GUCY1A2: variants seen among roughly 807,000 people sequenced by gnomAD.
The protein encoded by GUCY1A2 is guanylate cyclase soluble subunit alpha-2.
Under a neutral mutation model 63.5 loss-of-function variants are expected in GUCY1A2, and 27 were observed. That is an observed-to-expected ratio of 0.43 (90% CI 0.31 to 0.59). GUCY1A2 has a LOEUF of 0.59. Ranked by LOEUF, GUCY1A2 falls within the 20% of genes least tolerant of loss-of-function variation. The probability of loss-of-function intolerance (pLI) is 0.11; values close to 1 mark genes in which losing one functional copy is unlikely to be tolerated. For missense variants in GUCY1A2, 768 were observed against 913.3 expected (o/e 0.84, Z 2.05); for synonymous variants, 364 against 343.5 (o/e 1.06, Z -0.66).
At chr11:106,892,420 T>C (rs927013452) in intron 4 of GUCY1A2, among the ~76,000 whole-genome samples, 6 of 152,168 alleles carry the variant, frequency 3.9e-5, no homozygotes, top group African/African-American at 1.4e-4. Context: ...TCTTGCTTTC[T>C]GGACTTTCAA....
At chr11:106,821,710 G>T (rs1858905921) in intron 4 of GUCY1A2, among the ~76,000 whole-genome samples, 1 of 152,130 alleles carries the variant, frequency 6.6e-6, no homozygotes, top group Non-Finnish European at 1.5e-5. Context: ...CAGTGTAATA[G>T]AGAGCCATTT....
At chr11:106,737,748 A>T (rs1565273843) in intron 6 of GUCY1A2, among the ~76,000 whole-genome samples, 1 of 152,176 alleles carries the variant, frequency 6.6e-6, no homozygotes, top group Non-Finnish European at 1.5e-5. Flanking sequence ...TTATGGTTGC[A>T]TAGTATTCCA....
At chr11:106,923,233 C>A (rs1860473828) in intron 4 of GUCY1A2, among the ~76,000 whole-genome samples, 1 of 152,120 alleles carries the variant, frequency 6.6e-6, no homozygotes, top group South Asian at 2.1e-4. Context: ...GAATATAATA[C>A]CTTACATAAG....
chr11:106,854,106 A>T (rs1297160867), intron 4 of GUCY1A2, among the ~76,000 whole-genome samples: 2 of 152,220 alleles, frequency 1.3e-5, no homozygotes, highest in Non-Finnish European at 2.9e-5. Flanking sequence ...GGGGTGACCC[A>T]GGTAGGCTGA....
At chr11:106,887,751 G>T (rs1859918605) in intron 4 of GUCY1A2, among the ~76,000 whole-genome samples, 1 of 152,140 alleles carries the variant, frequency 6.6e-6, no homozygotes, top group African/African-American at 2.4e-5. Context: ...AGAAGAAATA[G>T]GAGCCTTTGA....
rs1415696593 is a variant in GUCY1A2, at chr11:106,677,004, A to T, written c.*10545T>A. 2 of 213,378 alleles carry T rather than the reference A, an allele frequency of 9.4e-6. No homozygotes were observed. The highest frequency in any genetic ancestry group is 1.9e-5 in the Non-Finnish European group (2 of 105,302). 13.2% of individuals were successfully genotyped at this position (213,378 alleles called of 1,614,324 possible). A position where few individuals can be genotyped will look rare whatever the true frequency, so the allele number is the denominator to read the frequency against. ...AGTCAAGGTCCCAATTCTCTCAGTC[A>T]CTTCTATCCTCAACTGATCTGCATC... On this transcript the variant is annotated 3_prime_UTR_variant, in exon 8 of 8. Transcript: ENST00000526355.
intron 6 of GUCY1A2, among the ~76,000 whole-genome samples, chr11:106,775,500 C>T (rs182611086): frequency 6.7e-5 from 10 of 149,488 alleles, no homozygotes; most frequent in Admixed American, 2.0e-4. Context: ...AATCTACACA[C>T]GTAGTGTAAT....
Position 106,775,598 on chromosome 11 carries a change from C to T in GUCY1A2, c.1836+841G>A, listed in dbSNP as rs551210020. On this transcript the variant is annotated intron_variant, in intron 6 of 7. Coordinates refer to ENST00000526355, the MANE Select transcript of GUCY1A2 (RefSeq NM_000855.3). The stretch of plus-strand genomic sequence containing the variant: ...TTTAATATATTTAACCCAATATTTT[C>T]ATAATTTTAATCAGATGGATTGTTC... Among the ~76,000 whole-genome samples, 20 of 151,644 alleles carry T rather than the reference C, an allele frequency of 1.3e-4. No homozygotes were observed. In the South Asian group the frequency reaches 2.9e-3, roughly 22 times the overall value.
At chr11:106,796,209 A>G (rs982541569) in intron 5 of GUCY1A2, among the ~76,000 whole-genome samples, 4 of 152,246 alleles carry the variant, frequency 2.6e-5, no homozygotes, top group African/African-American at 7.2e-5. Flanking sequence ...GTCTCTGCAC[A>G]TGAGATGGGT....
At chr11:106,841,265 T>A (rs575845038) in intron 4 of GUCY1A2, among the ~76,000 whole-genome samples, 17 of 152,028 alleles carry the variant, frequency 1.1e-4, no homozygotes, top group Admixed American at 1.1e-3. Flanking sequence ...TACTTATACT[T>A]CTTAAATGCT....
rs932236653 is a variant in GUCY1A2, at chr11:106,991,445, T to C, written c.304-5314A>G. On this transcript the variant is annotated intron_variant, in intron 1 of 7. Transcript: ENST00000526355. ...ATCACTTGGGGATCTTTATAAAAAA[T>C]ACCAAGGTCTACGTGCCACCCCCAG... is the stretch of plus-strand genomic sequence containing the variant. 6.6e-5 allele frequency among the ~76,000 whole-genome samples: 10 copies of C among 152,196 alleles called. 1 individual carries two copies. Among genetic ancestry groups the C allele is most frequent in the African/African-American group, 1.9e-4 (8 of 41,454 alleles).
intron 3 of GUCY1A2, among the ~76,000 whole-genome samples, chr11:106,954,996 G>A (rs1276239596): frequency 7.4e-6 from 1 of 135,018 alleles, no homozygotes; most frequent in African/African-American, 2.9e-5. Context: ...TCTTTTTTTT[G>A]AGACAGAGTT....
At chr11:106,910,499 A>G (rs1021739518) in intron 4 of GUCY1A2, among the ~76,000 whole-genome samples, 1 of 152,058 alleles carries the variant, frequency 6.6e-6, no homozygotes, top group Non-Finnish European at 1.5e-5. Flanking sequence ...TGTGAAAACT[A>G]CTAGTTAGTT....
chr11:106,708,961 G>A (rs1862969549), intron 6 of GUCY1A2, among the ~76,000 whole-genome samples: 1 of 150,788 alleles, frequency 6.6e-6, no homozygotes, highest in Non-Finnish European at 1.5e-5. Context: ...GATTTCATCT[G>A]TATGTAATAT....
chr11:106,837,289 C>T (rs951711472), intron 4 of GUCY1A2, among the ~76,000 whole-genome samples: 2 of 151,910 alleles, frequency 1.3e-5, no homozygotes, highest in African/African-American at 2.4e-5. Context: ...AGGATAATGA[C>T]CTCTAGCACC....
intron 4 of GUCY1A2, among the ~76,000 whole-genome samples, chr11:106,885,296 T>C (rs1480868143): frequency 1.3e-5 from 2 of 152,148 alleles, no homozygotes; most frequent in African/African-American, 4.8e-5. Context: ...ATGTTACAAT[T>C]GCAGGGAAAT....
rs1323765835 is a variant in GUCY1A2 at position 106,710,208 on chromosome 11, TATAC to T, written c.1837-1546_1837-1543del. Among the ~76,000 whole-genome samples, 21 of 57,756 alleles carry T rather than the reference TATAC, an allele frequency of 3.6e-4. 3 individuals carry two copies. Among genetic ancestry groups the T allele is most frequent in the Non-Finnish European group, 5.5e-4 (19 of 34,256 alleles). 37.9% of individuals were successfully genotyped at this position (57,756 alleles called of 152,430 possible). ...ATATATAATATATAGTTATATATTA[TATAC>T]ATGTATATAATATAGTTATATATAT... is the stretch of plus-strand genomic sequence containing the variant. On this transcript the variant is annotated intron_variant, in intron 6 of 7. Transcript: ENST00000526355.
intron 6 of GUCY1A2, among the ~76,000 whole-genome samples, chr11:106,710,411 G>GTATATAGTATATATATT (rs1863096214): frequency 7.4e-6 from 1 of 135,908 alleles, no homozygotes; most frequent in South Asian, 2.2e-4. Flanking sequence ...TTATATACAT[G>GTATATAGTATATATATT]TATATAGTAT....
At chr11:106,987,606 C>T (rs1471198294) in intron 1 of GUCY1A2, among the ~76,000 whole-genome samples, 3 of 150,888 alleles carry the variant, frequency 2.0e-5, no homozygotes, top group African/African-American at 7.3e-5. Context: ...GAGCCAAGAT[C>T]ACCCCCACTG....
Sources: gnomAD v4.1 joint callset for allele counts (sites outside exome capture counted in the v4.1 genomes callset) on GRCh38, gnomAD v4.1.1 for gene constraint, MANE v1.5 for transcripts, NCBI Gene and HGNC (gene_info 2026-07-23, HGNC 2026-07-21) for gene names.